The following SKAP1 variants were observed in gnomAD, a reference collection of about 807,000 sequenced individuals.
SKAP1 encodes src kinase associated phosphoprotein 1, also known as src kinase-associated phosphoprotein 1.
A neutral mutation model predicts 58.5 loss-of-function variants in SKAP1; 44 were observed. That is an observed-to-expected ratio of 0.75 (90% CI 0.59 to 0.97). The LOEUF (loss-of-function observed/expected upper bound fraction) is 0.97, where lower values mean the gene tolerates loss of function less well. Ranked by LOEUF, SKAP1 falls within the 50% of genes least tolerant of loss-of-function variation. The pLI, the probability that SKAP1 is intolerant of heterozygous loss-of-function variation, is 0.00. For missense variants in SKAP1, 390 were observed against 435.2 expected, an observed-to-expected ratio of 0.90 and a Z score of 0.92; for synonymous variants, 127 against 149.7, an observed-to-expected ratio of 0.85 and a Z score of 1.11.
At chr17:48,174,870 G>A (rs1018700213) in intron 9 of SKAP1, among the ~76,000 whole-genome samples, 4 of 152,174 alleles carry the variant, frequency 2.6e-5, no homozygotes, top group African/African-American at 9.7e-5. Flanking sequence ...AACCTCTAAA[G>A]ATTACTGTCC....
intron 4 of SKAP1, among the ~76,000 whole-genome samples, chr17:48,214,741 G>T (rs149051956): frequency 4.6e-5 from 7 of 151,302 alleles, no homozygotes; most frequent in Admixed American, 4.6e-4. Context: ...GGCCAACATG[G>T]TGAAACCCTG....
At chr17:48,369,363 C>T (rs977296451) in intron 2 of SKAP1, among the ~76,000 whole-genome samples, 2 of 151,200 alleles carry the variant, frequency 1.3e-5, no homozygotes, top group Admixed American at 6.6e-5. Context: ...TGGTGGTGTG[C>T]ACCTGCAGTC....
chr17:48,144,132 G>A (rs1205602289), intron 11 of SKAP1, among the ~76,000 whole-genome samples: 1 of 152,190 alleles, frequency 6.6e-6, no homozygotes, highest in Non-Finnish European at 1.5e-5. Flanking sequence ...AGAAGTGTAA[G>A]GAGGATGGCA....
In SKAP1 at chr17:48,184,752, G is replaced by C. The variant is rs1488989398; in HGVS notation, c.538C>G (p.Leu180Val). The change falls in exon 7 of 13, where the codon CTG (leucine) becomes GTG (valine). Residue 180 changes from leucine to valine, a missense_variant. By Grantham distance (32) the Leu-to-Val change is conservative (BLOSUM62 1). Transcript: ENST00000336915. Reference protein sequence around the residue: ...RDSKKESCFELTSQDRRSYEF... With the variant: ...RDSKKESCFEVTSQDRRSYEF... ...TAGCTGCGCCTATCCTGGGAGGTCA[G>C]TTCAAAGCAGGATTCTTTCTTGGAA... 2.5e-6 allele frequency: 4 copies of C among 1,613,952 alleles called. No homozygotes were observed. Among genetic ancestry groups the C allele is most frequent in the Non-Finnish European group, 3.4e-6 (4 of 1,179,980 alleles).
At chr17:48,245,110 T>G (rs983621690) in intron 4 of SKAP1, among the ~76,000 whole-genome samples, 2 of 152,200 alleles carry the variant, frequency 1.3e-5, no homozygotes, top group African/African-American at 4.8e-5. Flanking sequence ...GGAAACCATC[T>G]GCCTGAAGTA....
chr17:48,261,043 A>C (rs544940711), intron 4 of SKAP1, among the ~76,000 whole-genome samples: 2 of 152,350 alleles, frequency 1.3e-5, no homozygotes, highest in African/African-American at 2.4e-5. Context: ...ATTTAAAAAA[A>C]CTTCTATTAT....
intron 3 of SKAP1, among the ~76,000 whole-genome samples, chr17:48,353,801 C>G (rs1176719880): frequency 6.7e-6 from 1 of 149,050 alleles, no homozygotes; most frequent in Non-Finnish European, 1.5e-5. Flanking sequence ...GAGGCTGAGG[C>G]AGAGAGAATT....
At chr17:48,223,443 A>G (rs1567827125) in intron 4 of SKAP1, among the ~76,000 whole-genome samples, 1 of 152,182 alleles carries the variant, frequency 6.6e-6, no homozygotes, top group Non-Finnish European at 1.5e-5. Context: ...TATTCTGGAT[A>G]CTTTCCTAGT....
At chr17:48,286,196 C>G (rs1207181906) in intron 4 of SKAP1, among the ~76,000 whole-genome samples, 3 of 152,142 alleles carry the variant, frequency 2.0e-5, no homozygotes, top group Non-Finnish European at 2.9e-5. Flanking sequence ...CAGAGAAGAT[C>G]TGCTGTATAA....
chr17:48,414,026 C>T (rs1407970449), intron 1 of SKAP1, among the ~76,000 whole-genome samples: 1 of 152,178 alleles, frequency 6.6e-6, no homozygotes, highest in Non-Finnish European at 1.5e-5. Context: ...TGTCTAAATG[C>T]ATTTATTCTT....
At chr17:48,134,397 C>T (rs2063673370) in intron 12 of SKAP1, among the ~76,000 whole-genome samples, 1 of 152,200 alleles carries the variant, frequency 6.6e-6, no homozygotes, top group South Asian at 2.1e-4. Context: ...CAGCTCACTG[C>T]AACCTCCGCC....
intron 4 of SKAP1, among the ~76,000 whole-genome samples, chr17:48,205,875 C>G (rs2064803824): frequency 6.6e-6 from 1 of 152,150 alleles, no homozygotes; most frequent in Non-Finnish European, 1.5e-5. Flanking sequence ...AAATTGACCT[C>G]CCAGGCATCC....
chr17:48,179,962 G>T (rs1055925756), intron 9 of SKAP1, 92 bp downstream of exon 9: 34 of 1,212,804 alleles, frequency 2.8e-5, no homozygotes, highest in Middle Eastern at 5.4e-4. Context: ...GTTAGATTTG[G>T]CTTCCTTTGG....
At chr17:48,442,600 C>A in the SKAP1 span, among the ~76,000 whole-genome samples, 1 of 152,168 alleles carries the variant, frequency 6.6e-6, no homozygotes, top group Non-Finnish European at 1.5e-5. Context: ...TCCAACTTCT[C>A]TAGGTAAGTA....
At chr17:48,193,050 C>CT (rs923848495) in intron 4 of SKAP1, among the ~76,000 whole-genome samples, 28 of 151,778 alleles carry the variant, frequency 1.8e-4, no homozygotes, top group African/African-American at 5.1e-4. Context: ...TTCTTTCTTT[C>CT]TTTTTTTTGA....
chr17:48,226,494 CTCTG>C (rs2065069975), intron 4 of SKAP1, among the ~76,000 whole-genome samples: 2 of 152,224 alleles, frequency 1.3e-5, no homozygotes, highest in Admixed American at 6.5e-5. Context: ...AAAATCCACT[CTCTG>C]TATTAAAGAT....
chr17:48,206,495 A>G (rs1157283721), intron 4 of SKAP1, among the ~76,000 whole-genome samples: 6 of 152,110 alleles, frequency 3.9e-5, no homozygotes, highest in African/African-American at 1.2e-4. Context: ...ACAATTTTAT[A>G]AGGGTTGACG....
intron 2 of SKAP1, among the ~76,000 whole-genome samples, chr17:48,393,406 G>A (rs2067375142): frequency 6.6e-6 from 1 of 152,168 alleles, no homozygotes; most frequent in Non-Finnish European, 1.5e-5. Flanking sequence ...TCTAAAAACA[G>A]AATAGCTAAA....
intron 4 of SKAP1, among the ~76,000 whole-genome samples, chr17:48,316,000 C>T (rs138936091): frequency 1.4e-4 from 22 of 152,262 alleles, no homozygotes; most frequent in Middle Eastern, 3.4e-3. Flanking sequence ...TACATATATG[C>T]TAATATTTTC....
Sources: allele counts gnomAD v4.1 joint callset (sites outside exome capture counted in the v4.1 genomes callset), GRCh38; gene constraint gnomAD v4.1.1; transcripts MANE v1.5; gene names NCBI Gene and HGNC (gene_info 2026-07-23, HGNC 2026-07-21).